Variants in DLC1 observed in about 807,000 individuals in gnomAD.
DLC1 encodes the protein rho GTPase-activating protein 7.
A neutral mutation model predicts 140.3 loss-of-function variants in DLC1; 54 were observed. The ratio of observed to expected loss-of-function variants is 0.38; its 90% CI spans 0.31 to 0.48. The LOEUF is 0.48. Among genes scored for constraint, DLC1 ranks in the 20% least tolerant of loss-of-function variants. The pLI is 0.96. For missense variants in DLC1, 2,536 were observed against 1,907.0 expected, an observed-to-expected ratio of 1.33 and a Z score of -6.14; for synonymous variants, 986 against 728.1, an observed-to-expected ratio of 1.35 and a Z score of -5.70.
chr8:13,470,663 TAGTATAGCCATATGGAAAAA>T (rs1222873261), intron 2 of DLC1, among the ~76,000 whole-genome samples: 1 of 152,132 alleles, frequency 6.6e-6, no homozygotes, highest in Non-Finnish European at 1.5e-5. Context: ...GAATGCAAAT[TAGTATAGCCATATGGAAAAA>T]AGTATAGCCA....
At chr8:13,545,409 T>G (rs990974299) in intron 1 of DLC1, among the ~76,000 whole-genome samples, 2 of 151,906 alleles carry the variant, frequency 1.3e-5, no homozygotes, top group Non-Finnish European at 2.9e-5. Context: ...AAACTTAGGT[T>G]GTTTCCCCTA....
At chr8:13,572,957 T>C (rs1045480884) in intron 1 of DLC1, among the ~76,000 whole-genome samples, 1 of 152,184 alleles carries the variant, frequency 6.6e-6, no homozygotes, top group African/African-American at 2.4e-5. Context: ...CTATTCATGG[T>C]TCCTTGGGAT....
At chr8:13,092,548 C>A in intron 13 of DLC1, 64 bp downstream of exon 13, 1 of 1,544,398 alleles carries the variant, frequency 6.5e-7, no homozygotes, top group Non-Finnish European at 8.8e-7. Context: ...ACCACAGCTA[C>A]GGAGAGTCCT....
intron 4 of DLC1, among the ~76,000 whole-genome samples, chr8:13,316,704 A>G (rs1832873682): frequency 6.6e-6 from 1 of 152,096 alleles, no homozygotes; most frequent in Non-Finnish European, 1.5e-5. Context: ...TTCTTAGGGC[A>G]GCTGAGTTTG....
chr8:13,524,967 T>A (rs1463708698), intron 1 of DLC1, among the ~76,000 whole-genome samples: 2 of 152,192 alleles, frequency 1.3e-5, no homozygotes, highest in African/African-American at 4.8e-5. Context: ...AGTTTCCTCC[T>A]GCCTCTTTGC....
chr8:13,099,276 C>T, intron 9 of DLC1, 71 bp downstream of exon 9: 1 of 1,527,298 alleles, frequency 6.5e-7, no homozygotes, highest in Non-Finnish European at 8.8e-7. Context: ...TTTCTTCCCA[C>T]AGAACAAGCA....
intron 2 of DLC1, among the ~76,000 whole-genome samples, chr8:13,485,856 T>G (rs772383228): frequency 5.9e-5 from 9 of 152,212 alleles, no homozygotes; most frequent in Admixed American, 2.0e-4. Flanking sequence ...ATGCTTTTTG[T>G]TTCTAGTCTA....
At chr8:13,543,778 G>A (rs188730474) in intron 1 of DLC1, among the ~76,000 whole-genome samples, 11 of 152,190 alleles carry the variant, frequency 7.2e-5, no homozygotes, top group African/African-American at 2.6e-4. Context: ...ATCTGTAATT[G>A]GGAGCTAAGC....
chr8:13,486,795 T>C (rs1473818092), intron 2 of DLC1, among the ~76,000 whole-genome samples: 1 of 152,208 alleles, frequency 6.6e-6, no homozygotes, highest in Non-Finnish European at 1.5e-5. Flanking sequence ...ATTCAAGATC[T>C]TGTGATTATC....
intron 4 of DLC1, among the ~76,000 whole-genome samples, chr8:13,337,724 G>A (rs920617773): frequency 1.3e-5 from 2 of 152,078 alleles, no homozygotes; most frequent in African/African-American, 2.4e-5. Flanking sequence ...TTTCCCATCC[G>A]TTTTGGTACA....
At chr8:13,436,785 T>G (rs1839139703) in intron 2 of DLC1, among the ~76,000 whole-genome samples, 1 of 152,140 alleles carries the variant, frequency 6.6e-6, no homozygotes, top group East Asian at 1.9e-4. Flanking sequence ...TGCATAGAAT[T>G]TATTTATTTT....
chr8:13,434,309 C>G (rs968164355), intron 2 of DLC1, among the ~76,000 whole-genome samples: 2 of 152,208 alleles, frequency 1.3e-5, no homozygotes, highest in African/African-American at 4.8e-5. Flanking sequence ...CTCTTTTTAT[C>G]AGATAACTCT....
intron 2 of DLC1, among the ~76,000 whole-genome samples, chr8:13,482,589 A>G (rs934961301): frequency 1.3e-5 from 2 of 152,192 alleles, no homozygotes; most frequent in Non-Finnish European, 2.9e-5. Flanking sequence ...TAATGTAGAG[A>G]TGTCCCCATG....
intron 4 of DLC1, among the ~76,000 whole-genome samples, chr8:13,338,034 A>C (rs946597862): frequency 1.3e-5 from 2 of 152,198 alleles, no homozygotes; most frequent in Non-Finnish European, 2.9e-5. Context: ...AGAGGAACTT[A>C]ATATGGTAGT....
chr8:13,453,913 A>G (rs571059552), intron 2 of DLC1, among the ~76,000 whole-genome samples: 22 of 152,248 alleles, frequency 1.4e-4, no homozygotes, highest in African/African-American at 5.3e-4. Flanking sequence ...TGCCTTCTTC[A>G]TGTCCACTCA....
At chr8:13,126,634 C>A (rs1821597118) in intron 5 of DLC1, among the ~76,000 whole-genome samples, 1 of 151,706 alleles carries the variant, frequency 6.6e-6, no homozygotes, top group Non-Finnish European at 1.5e-5. Context: ...TTATATAATC[C>A]ATTCCCTCTT....
At chr8:13,308,073 A>G (rs1258807901) in intron 4 of DLC1, among the ~76,000 whole-genome samples, 3 of 152,228 alleles carry the variant, frequency 2.0e-5, no homozygotes, top group African/African-American at 4.8e-5. Flanking sequence ...TCACAAGTTG[A>G]CCAGTGACAA....
chr8:13,400,379 G>C (rs1249603069), intron 3 of DLC1, among the ~76,000 whole-genome samples: 2 of 152,184 alleles, frequency 1.3e-5, no homozygotes, highest in Non-Finnish European at 2.9e-5. Flanking sequence ...ACCTGCAGTT[G>C]AGAAATTAAA....
At chr8:13,456,520 T>G (rs902733727) in intron 2 of DLC1, among the ~76,000 whole-genome samples, 2 of 152,108 alleles carry the variant, frequency 1.3e-5, no homozygotes, top group African/African-American at 4.8e-5. Context: ...AGCGCAGGGC[T>G]GGATCCCAGC....
Sources: gnomAD v4.1 joint callset for allele counts (sites outside exome capture counted in the v4.1 genomes callset) on GRCh38, gnomAD v4.1.1 for gene constraint, MANE v1.5 for transcripts, NCBI Gene and HGNC (gene_info 2026-07-23, HGNC 2026-07-21) for gene names.